The following HS3ST5 variants were observed in gnomAD, a reference collection of about 807,000 sequenced individuals.
The protein encoded by HS3ST5 is heparan sulfate glucosamine 3-O-sulfotransferase 5.
In HS3ST5, 10 loss-of-function variants were observed where a neutral mutation model predicts 25.4. The observed-to-expected ratio is 0.39, with a 90% confidence interval of 0.24 to 0.67. HS3ST5 has a LOEUF of 0.67. HS3ST5 is among the 30% of genes least tolerant of loss of function. The pLI, the probability that HS3ST5 is intolerant of heterozygous loss-of-function variation, is 0.44. For synonymous variants in HS3ST5, 170 were observed against 162.4 expected (o/e 1.05, Z -0.36); for missense variants, 324 against 420.7 (o/e 0.77, Z 2.01).
At chr6:114,210,099 C>G (rs1046691732) in intron 2 of HS3ST5, among the ~76,000 whole-genome samples, 1 of 151,934 alleles carries the variant, frequency 6.6e-6, no homozygotes, top group Non-Finnish European at 1.5e-5. Context: ...TGTAAATCAA[C>G]CAGATGAAAT....
intron 3 of HS3ST5, chr6:114,167,411 T>C (rs1779269998): frequency 6.6e-6 from 1 of 152,190 alleles, no homozygotes; most frequent in Non-Finnish European, 1.5e-5. Context: ...ATTTTGAGTG[T>C]TTAATGTGTG....
At chr6:114,235,389 T>TAA (rs202072854) in intron 1 of HS3ST5, among the ~76,000 whole-genome samples, 7 of 144,984 alleles carry the variant, frequency 4.8e-5, no homozygotes, top group African/African-American at 1.0e-4. Flanking sequence ...ACTAAACAAG[T>TAA]AAAAAAAAAA....
At chr6:114,250,372 A>G (rs1973730) in intron 1 of HS3ST5, among the ~76,000 whole-genome samples, 24,592 of 152,138 alleles carry the variant, frequency 0.16, 2,068 homozygotes, top group Middle Eastern at 0.28. Context: ...ACAAGGTCAG[A>G]AGATCGAGAC....
intron 3 of HS3ST5, among the ~76,000 whole-genome samples, chr6:114,124,797 C>T (rs976312435): frequency 6.6e-6 from 1 of 152,056 alleles, no homozygotes; most frequent in African/African-American, 2.4e-5. Flanking sequence ...AATCAGCTAT[C>T]GATTTTCAGG....
chr6:114,287,297 CATT>C (rs1289658071), intron 1 of HS3ST5, among the ~76,000 whole-genome samples: 1 of 151,910 alleles, frequency 6.6e-6, no homozygotes, highest in Non-Finnish European at 1.5e-5. Context: ...CAAACCCTAT[CATT>C]GTCTCCATTT....
intron 1 of HS3ST5, among the ~76,000 whole-genome samples, chr6:114,293,910 A>T (rs550829955): frequency 6.6e-6 from 1 of 152,318 alleles, no homozygotes; most frequent in East Asian, 1.9e-4. Flanking sequence ...CCCCATGGAG[A>T]CACACTTCAG....
intron 1 of HS3ST5, among the ~76,000 whole-genome samples, chr6:114,341,653 TG>T (rs200664004): frequency 3.7e-4 from 53 of 143,920 alleles, no homozygotes; most frequent in East Asian, 2.1e-4. Context: ...GTGAGGGGTG[TG>T]GGGGGGGCCA....
At chr6:114,258,234 G>A (rs966863596) in intron 1 of HS3ST5, among the ~76,000 whole-genome samples, 1 of 152,164 alleles carries the variant, frequency 6.6e-6, no homozygotes, top group African/African-American at 2.4e-5. Flanking sequence ...CTCCTCTGGA[G>A]AGCTGATCTG....
At chr6:114,084,380 C>G (rs1774649670) in intron 3 of HS3ST5, 1 of 756,172 alleles carries the variant, frequency 1.3e-6, no homozygotes, top group South Asian at 1.3e-5. Context: ...CCCTGAAATT[C>G]CTCCTCGGTC....
chr6:114,335,130 G>A (rs893906039), intron 1 of HS3ST5, among the ~76,000 whole-genome samples: 10 of 152,128 alleles, frequency 6.6e-5, no homozygotes, highest in Non-Finnish European at 1.2e-4. Flanking sequence ...TGGTGTGGGT[G>A]AGGATCATGG....
chr6:114,161,395 G>C (rs1778938265), intron 3 of HS3ST5, among the ~76,000 whole-genome samples: 7 of 148,460 alleles, frequency 4.7e-5, no homozygotes. Context: ...CTCTATACTA[G>C]ATCATAAATA....
intron 1 of HS3ST5, among the ~76,000 whole-genome samples, chr6:114,244,017 A>G (rs535158672): frequency 6.6e-6 from 1 of 152,330 alleles, no homozygotes; most frequent in African/African-American, 2.4e-5. Flanking sequence ...CCTTTTGTAG[A>G]AGACAGAAAA....
intron 3 of HS3ST5, among the ~76,000 whole-genome samples, chr6:114,097,755 A>T (rs551449217): frequency 5.4e-4 from 82 of 151,770 alleles, no homozygotes; most frequent in Non-Finnish European, 5.2e-4. Context: ...TTCCTTTTTT[A>T]AAAAAAATCA....
chr6:114,277,781 TAA>T (rs1310138035), intron 1 of HS3ST5, among the ~76,000 whole-genome samples: 1 of 152,014 alleles, frequency 6.6e-6, no homozygotes, highest in Non-Finnish European at 1.5e-5. Context: ...AAGGTCGTTT[TAA>T]AAGAGTTAGC....
rs548702261 is a variant in HS3ST5 at position 114,147,149 on chromosome 6, A to T, written c.-33+21202T>A. Among the ~76,000 whole-genome samples the T allele has an allele frequency of 2.2e-4, 33 of 152,276 alleles. No individual in the cohort carries two copies. In the South Asian group the frequency reaches 6.6e-3, roughly 31 times the overall value. On this transcript the variant is annotated intron_variant, in intron 3 of 4. Transcript: ENST00000312719. ...TAACTGTTTACACATTACCAGCACA[A>T]AAGAGCTATCTCAGCTCTTGTTGGA...
At chr6:114,253,261 A>C (rs766022133) in intron 1 of HS3ST5, among the ~76,000 whole-genome samples, 14 of 152,230 alleles carry the variant, frequency 9.2e-5, no homozygotes, top group Admixed American at 7.2e-4. Flanking sequence ...ACATTATTTC[A>C]ACATGTAATC....
chr6:114,196,206 T>G (rs1229152973), intron 2 of HS3ST5, among the ~76,000 whole-genome samples: 6 of 152,138 alleles, frequency 3.9e-5, no homozygotes, highest in African/African-American at 1.2e-4. Context: ...GAACTCCGGG[T>G]GGTACTTCAC....
At chr6:114,328,850 C>T (rs1776277425) in intron 1 of HS3ST5, among the ~76,000 whole-genome samples, 1 of 152,110 alleles carries the variant, frequency 6.6e-6, no homozygotes, top group African/African-American at 2.4e-5. Context: ...GCTTACTTCC[C>T]CAGATCAGAA....
intron 3 of HS3ST5, among the ~76,000 whole-genome samples, chr6:114,083,015 G>A (rs1774549259): frequency 6.6e-6 from 1 of 152,218 alleles, no homozygotes; most frequent in African/African-American, 2.4e-5. Flanking sequence ...TTCTATAGAA[G>A]TACATTGCCT....
Sources: gnomAD v4.1 joint callset for allele counts (sites outside exome capture counted in the v4.1 genomes callset) on GRCh38, gnomAD v4.1.1 for gene constraint, MANE v1.5 for transcripts, NCBI Gene and HGNC (gene_info 2026-07-23, HGNC 2026-07-21) for gene names.